The following KCNH5 variants were observed in gnomAD, a reference collection of about 807,000 sequenced individuals.
KCNH5 encodes the protein voltage-gated delayed rectifier potassium channel KCNH5.
In KCNH5, 46 loss-of-function variants were observed where a neutral mutation model predicts 96.1. The observed-to-expected ratio is 0.48, with a 90% CI of 0.38 to 0.61. KCNH5 has a LOEUF of 0.61. Ranked by LOEUF, KCNH5 falls within the 20% of genes least tolerant of loss-of-function variation. The pLI is 0.00. For synonymous variants in KCNH5, 439 were observed against 449.8 expected (o/e 0.98, Z 0.30); for missense variants, 907 against 1,225.8 (o/e 0.74, Z 3.88).
intron 1 of KCNH5, among the ~76,000 whole-genome samples, chr14:63,018,874 G>A (rs956501962): frequency 1.3e-5 from 2 of 151,976 alleles, no homozygotes; most frequent in African/African-American, 2.4e-5. Context: ...ATGGAAAAAA[G>A]TAGGCAGTAG....
At chr14:62,938,724 G>GA (rs1445714946) in intron 7 of KCNH5, among the ~76,000 whole-genome samples, 18 of 152,274 alleles carry the variant, frequency 1.2e-4, no homozygotes, top group African/African-American at 4.3e-4. Context: ...AGTGTGTCCT[G>GA]AAAAATATTT....
chr14:62,960,582 A>T (rs993013815), intron 6 of KCNH5, among the ~76,000 whole-genome samples: 1 of 152,188 alleles, frequency 6.6e-6, no homozygotes, highest in Non-Finnish European at 1.5e-5. Context: ...GCTCTGTTTC[A>T]TAAGCATTGG....
intron 10 of KCNH5, among the ~76,000 whole-genome samples, chr14:62,753,505 G>A (rs1242927154): frequency 6.6e-6 from 1 of 152,078 alleles, no homozygotes; most frequent in Non-Finnish European, 1.5e-5. Flanking sequence ...AGAACACAAA[G>A]CAGATTTAAC....
rs189163517 is a variant in KCNH5, at chr14:62,865,285, T to A, written c.1370-15433A>T. Among the ~76,000 whole-genome samples, 21 of 151,826 alleles carry A rather than the reference T, an allele frequency of 1.4e-4. No homozygotes were observed. The East Asian group carries it at 3.7e-3, about 27-fold the overall frequency. ...CGTGGGTCTTAAAGCAGAATTTTTT[T>A]AATTGAGTCTTAAGTCAGTGTCTGG... On this transcript the variant is annotated intron_variant, in intron 7 of 10. Coordinates refer to ENST00000322893, the MANE Select transcript of KCNH5 (RefSeq NM_139318.5).
At chr14:62,838,136 TTTAA>T (rs1236349294) in intron 8 of KCNH5, among the ~76,000 whole-genome samples, 2 of 152,226 alleles carry the variant, frequency 1.3e-5, no homozygotes, top group African/African-American at 4.8e-5. Flanking sequence ...GAAACATGCA[TTTAA>T]TTTTCAACCT....
chr14:62,820,843 G>T (rs887215622), intron 8 of KCNH5, among the ~76,000 whole-genome samples: 1 of 151,822 alleles, frequency 6.6e-6, no homozygotes, highest in African/African-American at 2.4e-5. Flanking sequence ...TATTCTTTGG[G>T]GTGTATACCC....
chr14:62,739,301 CT>C (rs1270647701), intron 10 of KCNH5, among the ~76,000 whole-genome samples: 1 of 152,134 alleles, frequency 6.6e-6, no homozygotes, highest in African/African-American at 2.4e-5. Flanking sequence ...CAAAGCCTCT[CT>C]TAAAAGGACC....
intron 3 of KCNH5, among the ~76,000 whole-genome samples, chr14:63,005,635 TAAATG>T (rs2139596607): frequency 6.6e-6 from 1 of 152,276 alleles, no homozygotes; most frequent in East Asian, 1.9e-4. Flanking sequence ...AGCAAAAAGA[TAAATG>T]TAAGTAACCA....
intron 10 of KCNH5, among the ~76,000 whole-genome samples, chr14:62,721,556 G>A (rs1595593828): frequency 1.3e-5 from 2 of 151,486 alleles, no homozygotes; most frequent in African/African-American, 2.4e-5. Flanking sequence ...TGTATTGAAG[G>A]GTTCAGGCTT....
chr14:62,895,179 G>T (rs1011661802), intron 7 of KCNH5, among the ~76,000 whole-genome samples: 31 of 152,094 alleles, frequency 2.0e-4, no homozygotes, highest in African/African-American at 7.5e-4. Flanking sequence ...AGATATTTTA[G>T]CATATTACAA....
At chr14:62,950,599 A>T in intron 6 of KCNH5, 40 bp from the exon 7 acceptor site, 9 of 1,478,762 alleles carry the variant, frequency 6.1e-6, no homozygotes, top group Non-Finnish European at 8.1e-6. Flanking sequence ...CCACATTTTC[A>T]GGAAAAAAAA....
At chr14:62,798,681 T>TC (rs1316084080) in intron 9 of KCNH5, among the ~76,000 whole-genome samples, 1 of 152,202 alleles carries the variant, frequency 6.6e-6, no homozygotes, top group East Asian at 1.9e-4. Flanking sequence ...CTTGAAGCCA[T>TC]CCTCCAGTGT....
chr14:62,941,596 G>C (rs1032460446), intron 7 of KCNH5, among the ~76,000 whole-genome samples: 2 of 152,110 alleles, frequency 1.3e-5, no homozygotes, highest in African/African-American at 2.4e-5. Context: ...CAGACACAAA[G>C]AATTGACCCA....
chr14:62,721,116 T>C (rs1884804798), intron 10 of KCNH5, among the ~76,000 whole-genome samples: 2 of 152,170 alleles, frequency 1.3e-5, no homozygotes, highest in African/African-American at 4.8e-5. Flanking sequence ...CTTTCATCCA[T>C]TGTTCTCTGT....
At chr14:62,753,418 A>T (rs1324357832) in intron 10 of KCNH5, among the ~76,000 whole-genome samples, 1 of 152,220 alleles carries the variant, frequency 6.6e-6, no homozygotes, top group Admixed American at 6.5e-5. Flanking sequence ...ACAGAGGAAT[A>T]GAAAATTTAA....
At chr14:62,924,490 A>T (rs1308180935) in intron 7 of KCNH5, among the ~76,000 whole-genome samples, 1 of 152,012 alleles carries the variant, frequency 6.6e-6, no homozygotes, top group Non-Finnish European at 1.5e-5. Context: ...AAAGACATGA[A>T]ATCAGTATTT....
intron 6 of KCNH5, among the ~76,000 whole-genome samples, chr14:62,965,260 G>C (rs922163774): frequency 2.6e-5 from 4 of 151,996 alleles, no homozygotes; most frequent in African/African-American, 9.7e-5. Context: ...TGGAACATGG[G>C]GCCTAGTGGG....
intron 7 of KCNH5, among the ~76,000 whole-genome samples, chr14:62,860,299 C>A (rs1452529858): frequency 1.1e-4 from 17 of 152,210 alleles, no homozygotes; most frequent in Middle Eastern, 3.2e-3. Flanking sequence ...GCATCCCTAT[C>A]TACCATTGAC....
intron 8 of KCNH5, among the ~76,000 whole-genome samples, chr14:62,828,416 G>C (rs912047777): frequency 6.6e-6 from 1 of 152,024 alleles, no homozygotes; most frequent in Non-Finnish European, 1.5e-5. Context: ...CCTGAGACTG[G>C]GTAATTTATG....
Sources: allele counts gnomAD v4.1 joint callset (sites outside exome capture counted in the v4.1 genomes callset), GRCh38; gene constraint gnomAD v4.1.1; transcripts MANE v1.5; gene names NCBI Gene and HGNC (gene_info 2026-07-23, HGNC 2026-07-21).